The following ADAMTS14 variants were observed in gnomAD, a reference collection of about 807,000 sequenced individuals.
ADAMTS14 encodes the protein ADAM metallopeptidase with thrombospondin type 1 motif 14, also known as A disintegrin and metalloproteinase with thrombospondin motifs 14.
ADAMTS14 carries 100 observed loss-of-function variants against 128.6 expected under a neutral mutation model. That is an observed-to-expected ratio of 0.78 (90% CI 0.66 to 0.92). The LOEUF (loss-of-function observed/expected upper bound fraction) is 0.92. ADAMTS14 is among the 40% of genes least tolerant of loss of function. The probability of loss-of-function intolerance (pLI) is 0.00; values close to 1 mark genes in which losing one functional copy is unlikely to be tolerated. For missense variants in ADAMTS14, 1,562 were observed against 1,658.6 expected (o/e 0.94, Z 1.01); for synonymous variants, 665 against 653.8 (o/e 1.02, Z -0.26).
At chr10:70,731,725 C>T (rs760752243) in intron 6 of ADAMTS14, among the ~76,000 whole-genome samples, 5 of 152,228 alleles carry the variant, frequency 3.3e-5, no homozygotes, top group Admixed American at 6.5e-5. Flanking sequence ...CCCCGCTGCA[C>T]CCTGGCTTGC....
chr10:70,717,516 G>A (rs1202233739), intron 4 of ADAMTS14, among the ~76,000 whole-genome samples: 1 of 152,152 alleles, frequency 6.6e-6, no homozygotes, highest in Non-Finnish European at 1.5e-5. Context: ...ATGGACTGTG[G>A]CGTAAAGAAG....
chr10:70,726,047 G>A (rs1358902540), intron 4 of ADAMTS14, among the ~76,000 whole-genome samples: 1 of 152,232 alleles, frequency 6.6e-6, no homozygotes, highest in Non-Finnish European at 1.5e-5. Context: ...TTGCTTCTCA[G>A]TGGTATCTCC....
intron 17 of ADAMTS14, 102 bp downstream of exon 17, chr10:70,751,748 C>T: frequency 7.0e-7 from 1 of 1,426,720 alleles, no homozygotes; most frequent in Non-Finnish European, 9.6e-7. Flanking sequence ...TGTGTCCTTG[C>T]TTATGACTCA....
rs775619820 is a variant in ADAMTS14 at position 70,751,582 on chromosome 10, G to A, written c.2532G>A (p.Glu844=). ...TCGGGAGCAACAATGTGCTCCTGGA[G>A]GAGATGGACACCTATGAGTGGGCGC... is the stretch of plus-strand genomic sequence containing the variant. ...PLIGSNNVLL[E]EMDTYEWALK... The change falls in exon 17 of 22, where the codon GAG becomes GAA. Residue 844 remains glutamate, a synonymous_variant. Coordinates refer to ENST00000373207, the MANE Select transcript of ADAMTS14 (RefSeq NM_080722.4). 1 of 1,613,762 alleles carries A rather than the reference G, an allele frequency of 6.2e-7. No individual in the cohort carries two copies. Among genetic ancestry groups the A allele is most frequent in the Non-Finnish European group, 8.5e-7 (1 of 1,179,814 alleles).
At chr10:70,719,433 G>A (rs1358883513) in intron 4 of ADAMTS14, among the ~76,000 whole-genome samples, 1 of 150,034 alleles carries the variant, frequency 6.7e-6, no homozygotes, top group East Asian at 2.0e-4. Flanking sequence ...GTAGGGTCTT[G>A]CTTTGTCACC....
intron 19 of ADAMTS14, among the ~76,000 whole-genome samples, chr10:70,755,045 C>T (rs1431268424): frequency 6.6e-6 from 1 of 152,100 alleles, no homozygotes; most frequent in Non-Finnish European, 1.5e-5. Context: ...CTTTGGGAGG[C>T]TGAGGTGGGC....
chr10:70,684,967 C>T (rs993098884), intron 2 of ADAMTS14, among the ~76,000 whole-genome samples: 2 of 152,258 alleles, frequency 1.3e-5, no homozygotes, highest in African/African-American at 4.8e-5. Flanking sequence ...GGATTAATAA[C>T]TTATTTATGA....
At chr10:70,742,464 C>T (rs968207841) in intron 12 of ADAMTS14, among the ~76,000 whole-genome samples, 1 of 152,216 alleles carries the variant, frequency 6.6e-6, no homozygotes, top group East Asian at 1.9e-4. Context: ...TGGATGAAAT[C>T]CAAGGTGGTC....
chr10:70,685,029 C>T (rs1192330268), intron 2 of ADAMTS14, among the ~76,000 whole-genome samples: 4 of 152,256 alleles, frequency 2.6e-5, no homozygotes, highest in African/African-American at 4.8e-5. Context: ...GGAGCAGAGC[C>T]GGCCTCCCAT....
intron 8 of ADAMTS14, among the ~76,000 whole-genome samples, chr10:70,734,952 A>G (rs1329247088): frequency 2.0e-5 from 3 of 152,206 alleles, no homozygotes; most frequent in African/African-American, 7.2e-5. Context: ...TTTGGCTGCA[A>G]ATGGAGCCCT....
At chr10:70,731,932 G>A (rs1167349366) in intron 6 of ADAMTS14, among the ~76,000 whole-genome samples, 1 of 152,190 alleles carries the variant, frequency 6.6e-6, no homozygotes, top group Admixed American at 6.5e-5. Context: ...TTCGGAGCTT[G>A]TTTGCTGATT....
chr10:70,695,366 G>A (rs764053272), intron 2 of ADAMTS14, among the ~76,000 whole-genome samples: 5 of 152,172 alleles, frequency 3.3e-5, no homozygotes, highest in Admixed American at 2.0e-4. Context: ...GACATGTTAA[G>A]GGAGGAAGAG....
intron 9 of ADAMTS14, 38 bp from the exon 10 acceptor site, chr10:70,736,642 C>A (rs1191276149): frequency 5.7e-6 from 9 of 1,585,104 alleles, no homozygotes; most frequent in South Asian, 2.2e-5. Context: ...GGACAAAGAG[C>A]CAGTCCAGTC....
chr10:70,726,346 T>A (rs1237341043), intron 4 of ADAMTS14, among the ~76,000 whole-genome samples: 1 of 151,634 alleles, frequency 6.6e-6, no homozygotes, highest in African/African-American at 2.4e-5. Flanking sequence ...ATGGCAGGAG[T>A]CTGGCAGCAA....
At chr10:70,725,632 A>G (rs1841404653) in intron 4 of ADAMTS14, among the ~76,000 whole-genome samples, 1 of 152,154 alleles carries the variant, frequency 6.6e-6, no homozygotes, top group Admixed American at 6.5e-5. Context: ...AATCCCATTC[A>G]GGAGGGCTCT....
intron 2 of ADAMTS14, among the ~76,000 whole-genome samples, chr10:70,678,795 C>T (rs1189859261): frequency 1.3e-5 from 2 of 152,144 alleles, no homozygotes; most frequent in African/African-American, 2.4e-5. Context: ...GATGTGTAAG[C>T]TCAGACCCCT....
At chr10:70,711,928 G>A (rs529650875) in intron 4 of ADAMTS14, among the ~76,000 whole-genome samples, 6 of 152,268 alleles carry the variant, frequency 3.9e-5, no homozygotes, top group African/African-American at 1.2e-4. Flanking sequence ...CCCAGGGAGC[G>A]GGTGGGGGGC....
chr10:70,685,733 C>T lies in ADAMTS14; in HGVS notation c.522+10738C>T, dbSNP rs536962326. 2.0e-4 allele frequency among the ~76,000 whole-genome samples: 30 copies of T among 152,282 alleles called. No individual in the cohort carries two copies. In the East Asian group the frequency reaches 5.6e-3, roughly 28 times the overall value. ...GCGTATGTGAACAGAAACTCAAGGT[C>T]GTAAACTGTGTGCTGTCCCGTGATA... On this transcript the variant is annotated intron_variant, in intron 2 of 21. Coordinates refer to ENST00000373207, the MANE Select transcript of ADAMTS14 (RefSeq NM_080722.4).
At chr10:70,693,558 G>T (rs1021939299) in intron 2 of ADAMTS14, among the ~76,000 whole-genome samples, 5 of 152,204 alleles carry the variant, frequency 3.3e-5, no homozygotes, top group African/African-American at 1.2e-4. Context: ...AGATGGTTGT[G>T]GTTATAATCC....
Sources: allele counts gnomAD v4.1 joint callset (sites outside exome capture counted in the v4.1 genomes callset), GRCh38; gene constraint gnomAD v4.1.1; transcripts MANE v1.5; gene names NCBI Gene and HGNC (gene_info 2026-07-23, HGNC 2026-07-21).